Variants in LTAP1 observed in about 807,000 individuals in gnomAD.
The protein encoded by LTAP1 is lipid transport auxiliary protein 1.
the LTAP1 span, chr1:154,213,304 C>T: frequency 1.3e-5 from 2 of 152,500 alleles, no homozygotes; most frequent in Non-Finnish European, 2.9e-5. Flanking sequence ...AAGACTCCGT[C>T]TCAAAAATAA....
chr1:154,211,573 G>A, the LTAP1 span, among the ~76,000 whole-genome samples: 6 of 150,850 alleles, frequency 4.0e-5, no homozygotes, highest in Non-Finnish European at 7.4e-5. Flanking sequence ...TTGACCTCAT[G>A]ATTCGCCTGC....
the LTAP1 span, among the ~76,000 whole-genome samples, chr1:154,213,609 T>C: frequency 2.0e-5 from 3 of 152,328 alleles, 1 homozygote; most frequent in South Asian, 6.2e-4. Flanking sequence ...GTGCCACCTG[T>C]CCTTTGTGGA....
the LTAP1 span, chr1:154,219,986 T>C: frequency 7.6e-7 from 1 of 1,321,496 alleles, no homozygotes; most frequent in Non-Finnish European, 1.0e-6. Context: ...AGTTTTGTTT[T>C]GTTTTTTTTT....
the LTAP1 span, among the ~76,000 whole-genome samples, chr1:154,219,386 C>A: frequency 6.6e-6 from 1 of 152,170 alleles, no homozygotes; most frequent in Non-Finnish European, 1.5e-5. Context: ...TAAACTGCCT[C>A]CTTTTCTTGG....
chr1:154,212,731 G>T, the LTAP1 span: 1 of 1,240,860 alleles, frequency 8.1e-7, no homozygotes, highest in Non-Finnish European at 1.1e-6. Flanking sequence ...CAGTGATCTT[G>T]GCTCACTGCA....
At chr1:154,213,889 T>C in the LTAP1 span, 1 of 1,612,358 alleles carries the variant, frequency 6.2e-7, no homozygotes, top group Non-Finnish European at 8.5e-7. Flanking sequence ...CAGGTAGCCC[T>C]TACCAGAGGT....
chr1:154,208,853 C>G, the LTAP1 span, among the ~76,000 whole-genome samples: 1 of 151,974 alleles, frequency 6.6e-6, no homozygotes, highest in Non-Finnish European at 1.5e-5. Flanking sequence ...TAGGTTGAAG[C>G]GACCTGTCTC....
chr1:154,214,301 A>G, the LTAP1 span, among the ~76,000 whole-genome samples: 1 of 152,036 alleles, frequency 6.6e-6, no homozygotes, highest in African/African-American at 2.4e-5. Flanking sequence ...AAATTCCCCA[A>G]ACTCCAGCAA....
At chr1:154,212,427 CTT>C in the LTAP1 span, 2 of 1,614,050 alleles carry the variant, frequency 1.2e-6, no homozygotes, top group Non-Finnish European at 8.5e-7. Flanking sequence ...TGAGGGATCT[CTT>C]TAGTGCCCCG....
the LTAP1 span, chr1:154,207,433 G>T: frequency 6.2e-7 from 1 of 1,612,314 alleles, no homozygotes; most frequent in South Asian, 1.1e-5. Context: ...TTAATCTACG[G>T]CAAGAGTCCT....
the LTAP1 span, chr1:154,208,491 CA>C: frequency 6.6e-6 from 1 of 152,296 alleles, no homozygotes; most frequent in East Asian, 1.9e-4. Context: ...CTACTCATAC[CA>C]AAAACAACTA....
At chr1:154,220,203 A>C in the LTAP1 span, 6 of 1,080,212 alleles carry the variant, frequency 5.6e-6, no homozygotes, top group African/African-American at 1.6e-5. Flanking sequence ...TTAAACTCCC[A>C]CCTACTCCTG....
At chr1:154,217,769 C>T in the LTAP1 span, among the ~76,000 whole-genome samples, 2 of 152,080 alleles carry the variant, frequency 1.3e-5, no homozygotes, top group African/African-American at 2.4e-5. Context: ...CTCGGCCTCC[C>T]TAAGTGCTGG....
At chr1:154,207,317 T>C in the LTAP1 span, 1 of 772,298 alleles carries the variant, frequency 1.3e-6, no homozygotes, top group African/African-American at 1.7e-5. Context: ...CTCTAAGAAC[T>C]CTGGATACAA....
chr1:154,207,429 T>C, the LTAP1 span: 23 of 1,612,086 alleles, frequency 1.4e-5, no homozygotes, highest in Non-Finnish European at 1.6e-5. Context: ...TGGCTTAATC[T>C]ACGGCAAGAG....
At chr1:154,207,205 A>G in the LTAP1 span, 6 of 397,408 alleles carry the variant, frequency 1.5e-5, no homozygotes, top group Non-Finnish European at 2.7e-5. Context: ...ATAACACCTG[A>G]ATGCAAATCC....
At chr1:154,210,711 T>C in the LTAP1 span, among the ~76,000 whole-genome samples, 1 of 152,124 alleles carries the variant, frequency 6.6e-6, no homozygotes, top group Admixed American at 6.6e-5. Flanking sequence ...ACTCCTGACC[T>C]TAGATGATCC....
chr1:154,219,886 T>C, the LTAP1 span: 2 of 1,613,910 alleles, frequency 1.2e-6, no homozygotes, highest in African/African-American at 1.3e-5. Context: ...CGAGATTTCA[T>C]TGCAAAGCGC....
At chr1:154,211,859 T>C in the LTAP1 span, 4 of 161,238 alleles carry the variant, frequency 2.5e-5, no homozygotes, top group Non-Finnish European at 1.4e-5. Context: ...CTTTCTTTTC[T>C]TCTTTTTTTT....
Sources: gnomAD v4.1 joint callset for allele counts (sites outside exome capture counted in the v4.1 genomes callset) on GRCh38, gnomAD v4.1.1 for gene constraint, MANE v1.5 for transcripts, NCBI Gene and HGNC (gene_info 2026-07-23, HGNC 2026-07-21) for gene names.